The following TLN2 variants were observed in gnomAD, a reference collection of about 807,000 sequenced individuals.
The protein encoded by TLN2 is talin-2.
In TLN2, 118 loss-of-function variants were observed where a neutral mutation model predicts 294.7. The ratio of observed to expected loss-of-function variants is 0.40; its 90% CI spans 0.34 to 0.47. TLN2 has a LOEUF of 0.47. Ranked by LOEUF, TLN2 falls within the 20% of genes least tolerant of loss-of-function variation. The probability of loss-of-function intolerance (pLI) is 0.84; values close to 1 mark genes in which losing one functional copy is unlikely to be tolerated. For missense variants in TLN2, 3,083 were observed against 3,282.2 expected (o/e 0.94, Z 1.48); for synonymous variants, 1,431 against 1,304.5 (o/e 1.10, Z -2.09).
chr15:62,793,319 G>A (rs971330524), intron 46 of TLN2, among the ~76,000 whole-genome samples: 2 of 152,300 alleles, frequency 1.3e-5, no homozygotes, highest in East Asian at 1.9e-4. Flanking sequence ...ACTTGTCCTC[G>A]GTTTTCTGAT....
chr15:62,767,788 G>C (rs2063108565), intron 41 of TLN2, among the ~76,000 whole-genome samples: 1 of 152,218 alleles, frequency 6.6e-6, no homozygotes, highest in South Asian at 2.1e-4. Flanking sequence ...GTTTAGGAGA[G>C]AAGCTGGACA....
intron 33 of TLN2, 63 bp downstream of exon 33, chr15:62,748,507 G>GTGTC: frequency 1.6e-6 from 2 of 1,276,872 alleles, no homozygotes; most frequent in South Asian, 2.4e-5. Context: ...GTGTGTCTGT[G>GTGTC]TGTCTGTCTG....
At chr15:62,528,516 T>A (rs1372140858) in intron 1 of TLN2, among the ~76,000 whole-genome samples, 1 of 152,160 alleles carries the variant, frequency 6.6e-6, no homozygotes, top group Non-Finnish European at 1.5e-5. Flanking sequence ...ACCAGTGGCA[T>A]GGTCCTGAGG....
At chr15:62,806,818 T>C (rs1203424472) in intron 51 of TLN2, among the ~76,000 whole-genome samples, 1 of 152,172 alleles carries the variant, frequency 6.6e-6, no homozygotes, top group Non-Finnish European at 1.5e-5. Context: ...GAGGGCAGAA[T>C]TGAAGACCAG....
chr15:62,506,519 C>G (rs1045297705), intron 1 of TLN2, among the ~76,000 whole-genome samples: 28 of 152,222 alleles, frequency 1.8e-4, no homozygotes, highest in African/African-American at 6.8e-4. Context: ...CTGAACCTGG[C>G]AAAGATGAGA....
intron 54 of TLN2, among the ~76,000 whole-genome samples, chr15:62,822,465 T>C (rs1037482469): frequency 3.9e-5 from 6 of 152,354 alleles, no homozygotes; most frequent in Middle Eastern, 3.4e-3. Context: ...CTGGGTACTT[T>C]ATGGGAGTCA....
At chr15:62,554,872 C>T (rs1398728512) in intron 1 of TLN2, among the ~76,000 whole-genome samples, 3 of 152,072 alleles carry the variant, frequency 2.0e-5, no homozygotes, top group Non-Finnish European at 4.4e-5. Context: ...CAGGAGTTCT[C>T]CTTGCAGGTG....
At position 62,493,704 on chromosome 15, in the gene TLN2, G is replaced by A. The variant is rs142986608; in HGVS notation, c.-237-95983G>A. ...TGGCTCACTGTAGCTTCCGCCTCCC[G>A]GGTTCAAGCGATTCTCCTGCCTTAG... On this transcript the variant is annotated intron_variant, in intron 1 of 58. Coordinates refer to ENST00000636159, the MANE Select transcript of TLN2 (RefSeq NM_015059.3). Among the ~76,000 whole-genome samples, 564 of 147,570 alleles carry A rather than the reference G, an allele frequency of 3.8e-3. 1 individual carries two copies. The highest frequency in any genetic ancestry group is 5.5e-3 in the Non-Finnish European group (366 of 66,626).
At chr15:62,694,028 G>C (rs1231465587) in intron 13 of TLN2, among the ~76,000 whole-genome samples, 2 of 144,798 alleles carry the variant, frequency 1.4e-5, no homozygotes, top group Non-Finnish European at 3.0e-5. Context: ...GAGTGCAGTG[G>C]CGCTGTCTCG....
intron 1 of TLN2, among the ~76,000 whole-genome samples, chr15:62,459,812 C>CTT (rs1307337752): frequency 6.8e-4 from 104 of 152,296 alleles, no homozygotes; most frequent in African/African-American, 2.2e-3. Flanking sequence ...CACTTAGTGT[C>CTT]TGAGGTCCTA....
chr15:62,629,606 C>T (rs530862394), intron 3 of TLN2, among the ~76,000 whole-genome samples: 7 of 152,122 alleles, frequency 4.6e-5, no homozygotes, highest in African/African-American at 1.7e-4. Flanking sequence ...CAAGGTAGGG[C>T]CGTATAAGGC....
At chr15:62,824,438 G>T (rs552768354) in intron 54 of TLN2, among the ~76,000 whole-genome samples, 1 of 152,238 alleles carries the variant, frequency 6.6e-6, no homozygotes, top group South Asian at 2.1e-4. Flanking sequence ...TCATGTCAGG[G>T]TTTCAGCAAA....
At chr15:62,534,036 G>GGTT (rs1296318030) in intron 1 of TLN2, among the ~76,000 whole-genome samples, 1 of 151,134 alleles carries the variant, frequency 6.6e-6, no homozygotes, top group East Asian at 1.9e-4. Context: ...AGTCACCAGG[G>GGTT]GTTACAATGT....
chr15:62,833,028 T>G (rs1056108885), intron 54 of TLN2: 1 of 152,296 alleles, frequency 6.6e-6, no homozygotes, highest in Non-Finnish European at 1.5e-5. Context: ...GTCTGCAAAT[T>G]TCCGTGGGAT....
chr15:62,760,772 A>G (rs1022533998), intron 37 of TLN2, among the ~76,000 whole-genome samples: 2 of 152,150 alleles, frequency 1.3e-5, no homozygotes, highest in Non-Finnish European at 2.9e-5. Context: ...ATGCAATGCC[A>G]TTGTGTTACC....
At chr15:62,724,936 C>T in intron 26 of TLN2, 40 bp from the exon 27 acceptor site, 1 of 1,575,786 alleles carries the variant, frequency 6.3e-7, no homozygotes, top group Non-Finnish European at 8.6e-7. Flanking sequence ...ACACTTTTCC[C>T]AAGCAGACTG....
chr15:62,806,279 G>A (rs1338988954), intron 51 of TLN2, among the ~76,000 whole-genome samples: 1 of 152,184 alleles, frequency 6.6e-6, no homozygotes, highest in Non-Finnish European at 1.5e-5. Context: ...TTTGAGAGGG[G>A]ATGGAGTCAG....
At chr15:62,766,749 C>G (rs946893536) in intron 41 of TLN2, among the ~76,000 whole-genome samples, 1 of 152,216 alleles carries the variant, frequency 6.6e-6, no homozygotes, top group Non-Finnish European at 1.5e-5. Flanking sequence ...AGCAGACACT[C>G]CTAGCCTGGA....
At chr15:62,616,460 G>T (rs1219745180) in intron 2 of TLN2, among the ~76,000 whole-genome samples, 1 of 152,056 alleles carries the variant, frequency 6.6e-6, no homozygotes, top group Non-Finnish European at 1.5e-5. Context: ...ACAGGGTCTT[G>T]CCCTGTCACC....
Sources: gnomAD v4.1 joint callset for allele counts (sites outside exome capture counted in the v4.1 genomes callset) on GRCh38, gnomAD v4.1.1 for gene constraint, MANE v1.5 for transcripts, NCBI Gene and HGNC (gene_info 2026-07-23, HGNC 2026-07-21) for gene names.